SYTL5: variants seen among roughly 807,000 people sequenced by gnomAD.
SYTL5 encodes the protein synaptotagmin like 5.
Under a neutral mutation model 55.9 loss-of-function variants are expected in SYTL5, and 34 were observed. The observed-to-expected ratio is 0.61, with a 90% CI of 0.46 to 0.81. The LOEUF is 0.81. Among genes scored for constraint, SYTL5 ranks in the 30% least tolerant of loss-of-function variants. The probability of loss-of-function intolerance (pLI) is 0.00; values close to 1 mark genes in which losing one functional copy is unlikely to be tolerated. For missense variants in SYTL5, 637 were observed against 546.7 expected (o/e 1.17, Z -1.65); for synonymous variants, 221 against 188.7 (o/e 1.17, Z -1.40).
the SYTL5 span, among the ~76,000 whole-genome samples, chrX:37,930,138 C>T: frequency 1.5e-4 from 17 of 111,865 alleles, no homozygotes; most frequent in South Asian, 3.8e-4. Flanking sequence ...CTGACCCGTC[C>T]GCTGAGATGG....
the SYTL5 span, among the ~76,000 whole-genome samples, chrX:37,909,643 C>T: frequency 9.1e-6 from 1 of 109,681 alleles, no homozygotes; most frequent in African/African-American, 3.3e-5. Context: ...TAAAAATTAC[C>T]TGGGGAGGTT....
At chrX:37,972,100 G>C in the SYTL5 span, among the ~76,000 whole-genome samples, 1 of 109,779 alleles carries the variant, frequency 9.1e-6, no homozygotes. Flanking sequence ...TGCACATCTC[G>C]GGGAGTCAAC....
the SYTL5 span, among the ~76,000 whole-genome samples, chrX:37,890,120 A>T: frequency 9.0e-6 from 1 of 110,650 alleles, no homozygotes; most frequent in Non-Finnish European, 1.9e-5. Flanking sequence ...TAACGAAGGA[A>T]TTCTTAACAG....
chrX:38,087,297 C>T (rs1379961457), intron 6 of SYTL5, among the ~76,000 whole-genome samples: 3 of 112,113 alleles, frequency 2.7e-5, no homozygotes, highest in Non-Finnish European at 5.6e-5. Flanking sequence ...GGGAAAGTCT[C>T]TATGCCTCTC....
intron 1 of SYTL5, among the ~76,000 whole-genome samples, chrX:38,011,348 C>A (rs1934175733): frequency 8.9e-6 from 1 of 111,863 alleles, no homozygotes; most frequent in Non-Finnish European, 1.9e-5. Context: ...TGTTATACTG[C>A]TGGCCGGGCG....
At chrX:37,963,643 G>T in the SYTL5 span, among the ~76,000 whole-genome samples, 1 of 111,801 alleles carries the variant, frequency 8.9e-6, no homozygotes, top group African/African-American at 3.3e-5. Context: ...TTATTCTGGA[G>T]TATTTAGGGT....
At chrX:38,000,254 G>C in the SYTL5 span, among the ~76,000 whole-genome samples, 1 of 112,204 alleles carries the variant, frequency 8.9e-6, no homozygotes. Context: ...TCTCAGTTAA[G>C]GTTTTCTGGA....
chrX:38,108,079 C>G (rs1228452087), intron 11 of SYTL5, among the ~76,000 whole-genome samples: 1 of 111,687 alleles, frequency 9.0e-6, no homozygotes, highest in African/African-American at 3.3e-5. Flanking sequence ...TTTTACTCAC[C>G]CATTACCATT....
At chrX:38,002,550 C>T (rs1032724009), upstream of SYTL5, among the ~76,000 whole-genome samples, 6 of 111,745 alleles carry the variant, frequency 5.4e-5, no homozygotes, top group African/African-American at 1.3e-4. Context: ...TTTGGATGAT[C>T]GCCATTCTAA....
At chrX:38,080,604 C>A (rs1311290790) in intron 6 of SYTL5, among the ~76,000 whole-genome samples, 1 of 111,859 alleles carries the variant, frequency 8.9e-6, no homozygotes, top group East Asian at 2.8e-4. Flanking sequence ...TTCTTGTCCT[C>A]ATTTCAAGCA....
the SYTL5 span, among the ~76,000 whole-genome samples, chrX:37,932,781 A>G: frequency 8.9e-6 from 1 of 112,470 alleles, no homozygotes; most frequent in Non-Finnish European, 1.9e-5. Flanking sequence ...TGTATGAGCT[A>G]GAAAAGATGG....
intron 13 of SYTL5, among the ~76,000 whole-genome samples, chrX:38,118,539 A>T (rs910831517): frequency 9.0e-6 from 1 of 111,591 alleles, no homozygotes; most frequent in African/African-American, 3.3e-5. Context: ...GAAAGAACTC[A>T]AAGTTCAGTT....
chrX:38,001,188 A>G, the SYTL5 span, among the ~76,000 whole-genome samples: 1 of 110,895 alleles, frequency 9.0e-6, no homozygotes, highest in Admixed American at 9.6e-5. Context: ...AACATGAGAT[A>G]TTTTGATGCA....
At chrX:38,113,875 C>G (rs1432766798) in intron 13 of SYTL5, among the ~76,000 whole-genome samples, 1 of 111,290 alleles carries the variant, frequency 9.0e-6, no homozygotes, top group African/African-American at 3.3e-5. Flanking sequence ...GAGCCTTGAT[C>G]AATGACTGGT....
At chrX:37,945,942 T>C in the SYTL5 span, 1 of 162,048 alleles carries the variant, frequency 6.2e-6, no homozygotes, top group Non-Finnish European at 1.4e-5. Context: ...GTGGAGTATG[T>C]AGATTCACTT....
chrX:38,019,339 G>A (rs1934464404), intron 1 of SYTL5, among the ~76,000 whole-genome samples: 1 of 111,662 alleles, frequency 9.0e-6, no homozygotes, highest in Non-Finnish European at 1.9e-5. Flanking sequence ...TATTAACCCA[G>A]ACCCCAGACC....
the SYTL5 span, among the ~76,000 whole-genome samples, chrX:37,998,851 A>G: frequency 1.8e-5 from 2 of 112,588 alleles, no homozygotes; most frequent in Non-Finnish European, 3.7e-5. Context: ...TCTGGCTTCT[A>G]TAGATGAGTT....
At chrX:38,019,528 A>G (rs1442623440) in intron 1 of SYTL5, among the ~76,000 whole-genome samples, 2 of 112,196 alleles carry the variant, frequency 1.8e-5, no homozygotes, top group Non-Finnish European at 3.8e-5. Flanking sequence ...TGTCTCCACT[A>G]GAAAATAATA....
chrX:38,117,597 C>A (rs374423801), intron 13 of SYTL5, among the ~76,000 whole-genome samples: 1 of 112,215 alleles, frequency 8.9e-6, no homozygotes, highest in Non-Finnish European at 1.9e-5. Flanking sequence ...GTCGACTAGA[C>A]TCATCTAGGT....
Sources: gnomAD v4.1 joint callset for allele counts (sites outside exome capture counted in the v4.1 genomes callset) on GRCh38, gnomAD v4.1.1 for gene constraint, MANE v1.5 for transcripts, NCBI Gene and HGNC (gene_info 2026-07-23, HGNC 2026-07-21) for gene names.